NLN: variants seen among roughly 807,000 people sequenced by gnomAD.
NLN encodes neurolysin, mitochondrial.
NLN carries 64 observed loss-of-function variants against 79.9 expected under a neutral mutation model. The ratio of observed to expected loss-of-function variants is 0.80; its 90% CI spans 0.65 to 0.99. The LOEUF is 0.99. NLN is among the 50% of genes least tolerant of loss of function. The probability of loss-of-function intolerance (pLI) is 0.00; values close to 1 mark genes in which losing one functional copy is unlikely to be tolerated. For missense variants in NLN, 835 were observed against 858.7 expected (o/e 0.97, Z 0.34); for synonymous variants, 267 against 296.6 (o/e 0.90, Z 1.02).
chr5:65,778,916 A>G (rs1305472851), intron 4 of NLN, among the ~76,000 whole-genome samples: 1 of 152,158 alleles, frequency 6.6e-6, no homozygotes, highest in African/African-American at 2.4e-5. Flanking sequence ...CTTTTAGTCA[A>G]TGGAATACGA....
At chr5:65,731,545 T>G (rs1561176643) in intron 1 of NLN, among the ~76,000 whole-genome samples, 1 of 152,158 alleles carries the variant, frequency 6.6e-6, no homozygotes, top group Admixed American at 6.5e-5. Context: ...CATAGATGTT[T>G]CAGTTGTTTT....
At chr5:65,785,154 C>T (rs758538662) in intron 6 of NLN, among the ~76,000 whole-genome samples, 17 of 152,082 alleles carry the variant, frequency 1.1e-4, no homozygotes, top group Admixed American at 6.6e-4. Flanking sequence ...GATCTCTCTT[C>T]GAGTCTCTGC....
intron 6 of NLN, 21 bp from the exon 7 acceptor site, chr5:65,785,754 G>T (rs558441788): frequency 6.2e-7 from 1 of 1,607,350 alleles, no homozygotes; most frequent in East Asian, 2.2e-5. Context: ...CCTTTATTTT[G>T]TTGCTGTTGT....
At chr5:65,816,161 A>T (rs1460024716) in intron 12 of NLN, among the ~76,000 whole-genome samples, 1 of 152,152 alleles carries the variant, frequency 6.6e-6, no homozygotes, top group African/African-American at 2.4e-5. Flanking sequence ...ATTGCACTCC[A>T]GCCTGGGCAA....
rs148271768 is a variant in NLN at position 65,763,037 on chromosome 5, A to G, written c.379A>G (p.Lys127Glu). The change falls in exon 3 of 13, where the codon AAA becomes GAA. Residue 127 changes from lysine to glutamate, a missense_variant. Transcript: ENST00000380985. ...EVRAASTEAD[K>E]RLSRFDIEMS... ...ACGAGCAGCAAGTACAGAAGCAGAC[A>G]AAAGACTTTCTCGTTTTGATATTGA... 80 of 1,613,828 alleles carry G rather than the reference A, an allele frequency of 5.0e-5. No homozygotes were observed. In the African/African-American group the frequency reaches 8.9e-4, roughly 18 times the overall value.
chr5:65,775,505 C>A (rs1180261013), intron 3 of NLN, among the ~76,000 whole-genome samples: 1 of 152,238 alleles, frequency 6.6e-6, no homozygotes, highest in African/African-American at 2.4e-5. Flanking sequence ...AGGGATTCCT[C>A]CCAAGTCCCC....
At chr5:65,771,072 T>G (rs937038667) in intron 3 of NLN, among the ~76,000 whole-genome samples, 1 of 152,150 alleles carries the variant, frequency 6.6e-6, no homozygotes, top group Non-Finnish European at 1.5e-5. Flanking sequence ...AAGGGTGGAT[T>G]TAATTTGTCC....
chr5:65,785,634 A>G, intron 6 of NLN, 141 bp from the exon 7 acceptor site: 1 of 613,934 alleles, frequency 1.6e-6, no homozygotes, highest in Middle Eastern at 3.9e-4. Flanking sequence ...CTATAACACC[A>G]AAATGGAACC....
intron 3 of NLN, among the ~76,000 whole-genome samples, chr5:65,767,057 G>A (rs575308361): frequency 6.6e-6 from 1 of 152,300 alleles, no homozygotes; most frequent in Admixed American, 6.5e-5. Context: ...TCAGGTGCAG[G>A]GTGCAAGCTG....
chr5:65,785,910 G>C lies in NLN; in HGVS notation c.958G>C (p.Asp320His), dbSNP rs760233730. ...KSTSRVTAFL[D>H]DLSQKLKPLG... ...CACAAGCCGCGTAACAGCCTTTCTA[G>C]GTTAGTTCTTTTTTTTTTTTCTATG... The change falls in exon 7 of 13, where the codon GAT becomes CAT. Residue 320 changes from aspartate (D) to histidine (H), a missense_variant and splice_region_variant. Coordinates refer to ENST00000380985, the MANE Select transcript of NLN (RefSeq NM_020726.5). 97 of 1,606,442 alleles carry C rather than the reference G, an allele frequency of 6.0e-5. No homozygotes were observed. The highest frequency in any genetic ancestry group is 7.8e-5 in the Non-Finnish European group (92 of 1,177,468).
At chr5:65,800,143 T>C (rs1760251874) in intron 9 of NLN, among the ~76,000 whole-genome samples, 1 of 152,230 alleles carries the variant, frequency 6.6e-6, no homozygotes, top group South Asian at 2.1e-4. Context: ...ATCATGGAAA[T>C]AACACTTAGT....
chr5:65,789,903 C>A (rs550657666), intron 8 of NLN, among the ~76,000 whole-genome samples: 12 of 152,252 alleles, frequency 7.9e-5, no homozygotes, highest in African/African-American at 2.6e-4. Context: ...AGTTTGAATG[C>A]TTGAGTGACA....
At chr5:65,821,347 G>A (rs943843851) in intron 12 of NLN, among the ~76,000 whole-genome samples, 12 of 152,144 alleles carry the variant, frequency 7.9e-5, no homozygotes, top group African/African-American at 1.9e-4. Context: ...TGGTAGCCAC[G>A]TGTAGCTGTT....
intron 4 of NLN, among the ~76,000 whole-genome samples, chr5:65,779,251 A>T (rs887662672): frequency 9.2e-5 from 14 of 152,296 alleles, no homozygotes; most frequent in African/African-American, 2.6e-4. Context: ...TGCGTTTCTA[A>T]CAACTTCCCT....
At chr5:65,773,717 T>C (rs1579939610) in intron 3 of NLN, among the ~76,000 whole-genome samples, 1 of 152,050 alleles carries the variant, frequency 6.6e-6, no homozygotes, top group African/African-American at 2.4e-5. Context: ...CCGAGGCAGG[T>C]GGATCACTTG....
At chr5:65,801,687 G>A (rs1760288674) in intron 9 of NLN, among the ~76,000 whole-genome samples, 1 of 152,078 alleles carries the variant, frequency 6.6e-6, no homozygotes, top group Non-Finnish European at 1.5e-5. Context: ...TCATTCATTT[G>A]CTGTGCTGTC....
chr5:65,774,051 CAA>C (rs1759626534), intron 3 of NLN, among the ~76,000 whole-genome samples: 1 of 121,740 alleles, frequency 8.2e-6, no homozygotes, highest in Non-Finnish European at 1.7e-5. Context: ...AAATAGAATT[CAA>C]AGTTTTTTTT....
intron 6 of NLN, 53 bp from the exon 7 acceptor site, chr5:65,785,722 T>C (rs924189356): frequency 2.9e-5 from 43 of 1,461,488 alleles, no homozygotes; most frequent in Non-Finnish European, 1.1e-5. Flanking sequence ...CTTTTAGTGC[T>C]TTGGATCAAA....
At chr5:65,816,845 T>C (rs1195696189) in intron 12 of NLN, among the ~76,000 whole-genome samples, 1 of 152,176 alleles carries the variant, frequency 6.6e-6, no homozygotes, top group Non-Finnish European at 1.5e-5. Flanking sequence ...CTAATGTGTG[T>C]GTGGGTCATT....
Sources: allele counts gnomAD v4.1 joint callset (sites outside exome capture counted in the v4.1 genomes callset), GRCh38; gene constraint gnomAD v4.1.1; transcripts MANE v1.5; gene names NCBI Gene and HGNC (gene_info 2026-07-23, HGNC 2026-07-21).